MED12L: variants seen among roughly 807,000 people sequenced by gnomAD.
The protein encoded by MED12L is mediator of RNA polymerase II transcription subunit 12-like protein.
Under a neutral mutation model 281.3 loss-of-function variants are expected in MED12L, and 60 were observed. The observed-to-expected ratio is 0.21, with a 90% CI of 0.17 to 0.26. The LOEUF is 0.26. Among genes scored for constraint, MED12L ranks in the 10% least tolerant of loss-of-function variants. The probability of loss-of-function intolerance (pLI) is 1.00; values close to 1 mark genes in which losing one functional copy is unlikely to be tolerated. For synonymous variants in MED12L, 974 were observed against 987.2 expected (o/e 0.99, Z 0.25); for missense variants, 2,146 against 2,680.9 (o/e 0.80, Z 4.41).
intron 16 of MED12L, among the ~76,000 whole-genome samples, chr3:151,272,981 G>C (rs1559967134): frequency 6.6e-6 from 1 of 152,092 alleles, no homozygotes; most frequent in Non-Finnish European, 1.5e-5. Flanking sequence ...TTTGAGGGCT[G>C]ACATGACTCT....
In MED12L at chr3:151,086,869, C is replaced by T; in HGVS notation, c.-58C>T. 3 of 1,397,234 alleles carry T rather than the reference C, an allele frequency of 2.1e-6. No individual in the cohort carries two copies. The highest frequency in any genetic ancestry group is 2.6e-5 in the South Asian group (2 of 76,334). 86.6% of individuals were successfully genotyped at this position (1,397,234 alleles called of 1,614,324 possible). On this transcript the variant is annotated 5_prime_UTR_variant, in exon 2 of 45. Transcript: ENST00000687756. The stretch of plus-strand genomic sequence containing the variant: ...CTGCAAAGTGCTGCTCCCTGGTGCT[C>T]AGAGGCGGCTGCTCCAGCTCCAACT...
chr3:151,428,165 A>C (rs935115925), intron 43 of MED12L, among the ~76,000 whole-genome samples: 2 of 152,228 alleles, frequency 1.3e-5, no homozygotes, highest in African/African-American at 4.8e-5. Flanking sequence ...TCCAAAGCAC[A>C]TATCTGTCTT....
At position 151,315,229 on chromosome 3, in the gene MED12L, T is replaced by C. The variant is rs534358348; in HGVS notation, c.2251-34830T>C. Among the ~76,000 whole-genome samples, 14 of 152,290 alleles carry C rather than the reference T, an allele frequency of 9.2e-5. No individual in the cohort carries two copies. The East Asian group carries it at 2.7e-3, about 29-fold the overall frequency. On this transcript the variant is annotated intron_variant, in intron 16 of 44. Coordinates refer to ENST00000687756, the MANE Select transcript of MED12L (RefSeq NM_001393769.1). ...AGAGTAAAGAGCTAAGCGTGAAATA[T>C]TTTGTTGTTGTGGTTCTTAAAGAGA...
intron 16 of MED12L, chr3:151,337,046 C>G (rs1751094781): frequency 6.6e-6 from 1 of 151,988 alleles, no homozygotes; most frequent in Non-Finnish European, 1.5e-5. Context: ...AGGTAAGTGT[C>G]AATGATGGTA....
intron 2 of MED12L, among the ~76,000 whole-genome samples, chr3:151,087,228 GCGCT>G (rs1719366800): frequency 2.6e-5 from 4 of 152,240 alleles, no homozygotes; most frequent in African/African-American, 9.6e-5. Flanking sequence ...CTCCACTGGG[GCGCT>G]CGCTTTCCAT....
At chr3:151,348,304 C>G (rs994343968) in intron 16 of MED12L, among the ~76,000 whole-genome samples, 1 of 140,936 alleles carries the variant, frequency 7.1e-6, no homozygotes, top group African/African-American at 2.7e-5. Context: ...CCCCCTGTTT[C>G]CTTCCTAGGG....
intron 2 of MED12L, among the ~76,000 whole-genome samples, chr3:151,089,321 C>T (rs760089101): frequency 3.3e-5 from 5 of 151,762 alleles, no homozygotes; most frequent in African/African-American, 4.8e-5. Context: ...ATCTGTGTAT[C>T]GAAAACAACA....
chr3:151,255,051 C>A (rs575767834), intron 16 of MED12L, among the ~76,000 whole-genome samples: 1 of 151,938 alleles, frequency 6.6e-6, no homozygotes, highest in African/African-American at 2.4e-5. Context: ...TCATAATAAG[C>A]GAGGCCTTTG....
chr3:151,404,434 A>C (rs548996903), intron 39 of MED12L, among the ~76,000 whole-genome samples: 1 of 152,226 alleles, frequency 6.6e-6, no homozygotes, highest in Non-Finnish European at 1.5e-5. Context: ...ATCAAGCATA[A>C]CTAGCCAACA....
intron 21 of MED12L, among the ~76,000 whole-genome samples, chr3:151,363,594 C>T (rs1017329519): frequency 6.6e-6 from 1 of 152,180 alleles, no homozygotes; most frequent in African/African-American, 2.4e-5. Context: ...AACTTGTATC[C>T]TTCAATGACA....
rs145841412 is a variant in MED12L, at chr3:151,254,688, C to T, written c.2250+61022C>T. On this transcript the variant is annotated intron_variant, in intron 16 of 44. Transcript: ENST00000687756. ...ATGTTTATGCATATGATAAAACTTT[C>T]GCAGCATAGATGCTTCTTAGCATTA... Among the ~76,000 whole-genome samples the T allele has an allele frequency of 5.1e-3, 781 of 152,246 alleles. 11 individuals carry two copies. Among genetic ancestry groups the T allele is most frequent in the African/African-American group, 0.017 (727 of 41,548 alleles).
intron 16 of MED12L, among the ~76,000 whole-genome samples, chr3:151,243,439 A>G (rs1196034994): frequency 2.0e-5 from 3 of 152,090 alleles, no homozygotes; most frequent in African/African-American, 4.8e-5. Flanking sequence ...CCTACAAGCC[A>G]GAAGAGAGTG....
chr3:151,291,707 C>A (rs1559989362), intron 16 of MED12L, among the ~76,000 whole-genome samples: 1 of 152,144 alleles, frequency 6.6e-6, no homozygotes, highest in Non-Finnish European at 1.5e-5. Context: ...TATGTAACTT[C>A]TGACACTAGC....
chr3:151,094,456 T>C (rs1385512103), intron 2 of MED12L, among the ~76,000 whole-genome samples: 1 of 152,112 alleles, frequency 6.6e-6, no homozygotes, highest in South Asian at 2.1e-4. Flanking sequence ...AGAAATCCAA[T>C]TGAAATGTAG....
intron 39 of MED12L, among the ~76,000 whole-genome samples, chr3:151,406,800 TTC>T (rs1388223575): frequency 8.2e-5 from 7 of 84,978 alleles, no homozygotes; most frequent in East Asian, 7.9e-4. Context: ...TTTCTTCTTC[TTC>T]TTTTTTTTTT....
At chr3:151,403,248 A>G (rs1715911329) in intron 39 of MED12L, among the ~76,000 whole-genome samples, 1 of 152,174 alleles carries the variant, frequency 6.6e-6, no homozygotes, top group African/African-American at 2.4e-5. Context: ...TCCATCATAT[A>G]CATCTATGGT....
At chr3:151,260,160 G>A (rs183259856) in intron 16 of MED12L, among the ~76,000 whole-genome samples, 1 of 152,190 alleles carries the variant, frequency 6.6e-6, no homozygotes, top group Admixed American at 6.5e-5. Context: ...AAAGAATGAG[G>A]GCTAGTAAAC....
chr3:151,179,200 C>T (rs566961952), intron 11 of MED12L, among the ~76,000 whole-genome samples: 32 of 152,054 alleles, frequency 2.1e-4, no homozygotes, highest in Non-Finnish European at 3.4e-4. Flanking sequence ...ATTAGCCAGG[C>T]GAGGTGGCAC....
intron 16 of MED12L, among the ~76,000 whole-genome samples, chr3:151,232,045 C>T (rs950265959): frequency 5.9e-5 from 9 of 152,130 alleles, no homozygotes; most frequent in East Asian, 1.9e-4. Context: ...TCCTGTGCTC[C>T]GTGCCTGACA....
Sources: gnomAD v4.1 joint callset for allele counts (sites outside exome capture counted in the v4.1 genomes callset) on GRCh38, gnomAD v4.1.1 for gene constraint, MANE v1.5 for transcripts, NCBI Gene and HGNC (gene_info 2026-07-23, HGNC 2026-07-21) for gene names.